Variants in PLCH2 observed in about 807,000 individuals in gnomAD.
PLCH2 encodes phospholipase C eta 2.
PLCH2 carries 98 observed loss-of-function variants against 134.7 expected under a neutral mutation model. The ratio of observed to expected loss-of-function variants is 0.73; its 90% CI spans 0.62 to 0.86. PLCH2 has a LOEUF of 0.86. Ranked by LOEUF, PLCH2 falls within the 40% of genes least tolerant of loss-of-function variation. The pLI is 0.00. For missense variants in PLCH2, 1,994 were observed against 1,986.6 expected, an observed-to-expected ratio of 1.00 and a Z score of -0.07; for synonymous variants, 974 against 827.5, an observed-to-expected ratio of 1.18 and a Z score of -3.04.
At chr1:2,441,150 G>A (rs924306112) in intron 2 of PLCH2, among the ~76,000 whole-genome samples, 1 of 152,204 alleles carries the variant, frequency 6.6e-6, no homozygotes, top group Non-Finnish European at 1.5e-5. Context: ...TGAAAGGGGT[G>A]CTCAGGCTTT....
At position 2,489,374 on chromosome 1, in the gene PLCH2, T is replaced by TG. The variant is rs1349181120; in HGVS notation, c.1404dup (p.Lys469GlufsTer20). 1.9e-6 allele frequency: 3 copies of TG among 1,613,324 alleles called. No individual in the cohort carries two copies. In the African/African-American group the frequency reaches 4.0e-5, roughly 22 times the overall value. ...CAGATGCTCAAGGGCAAGATCCTCGTGAAGGTGAGTGAGCCCCTGCCCTCC... is the reference window on the plus strand; with the variant it reads ...CAGATGCTCAAGGGCAAGATCCTCGTGGAAGGTGAGTGAGCCCCTGCCCTCC... On this transcript the variant is annotated frameshift_variant, in exon 9 of 22. Coordinates refer to ENST00000378486, the MANE Select transcript of PLCH2 (RefSeq NM_014638.4). LOFTEE classifies it high-confidence loss of function.
chr1:2,425,496 C>A (rs1638747433), upstream of PLCH2, among the ~76,000 whole-genome samples: 1 of 152,104 alleles, frequency 6.6e-6, no homozygotes, highest in Non-Finnish European at 1.5e-5. Context: ...AGTGGGGTTG[C>A]TGGATCTGCT....
chr1:2,463,481 C>T (rs1008778365), upstream of PLCH2, among the ~76,000 whole-genome samples: 6 of 152,234 alleles, frequency 3.9e-5, no homozygotes, highest in East Asian at 9.6e-4. Context: ...CTGTTTACTG[C>T]AGCAGGTCAT....
the PLCH2 span, among the ~76,000 whole-genome samples, chr1:2,416,573 A>C: frequency 1.3e-5 from 2 of 152,016 alleles, no homozygotes; most frequent in Non-Finnish European, 2.9e-5. Context: ...AGCGGGCGGC[A>C]CTGGGCCCAG....
the PLCH2 span, among the ~76,000 whole-genome samples, chr1:2,419,811 G>T: frequency 6.6e-6 from 1 of 152,076 alleles, no homozygotes; most frequent in Non-Finnish European, 1.5e-5. Context: ...ATCCTTGGGG[G>T]ATTAATCTGA....
chr1:2,497,703 C>A, intron 16 of PLCH2, 94 bp downstream of exon 16: 2 of 887,380 alleles, frequency 2.3e-6, no homozygotes, highest in Non-Finnish European at 1.8e-6. Flanking sequence ...CACAGGCTAG[C>A]AAGGGGGTGG....
rs769521815 is a variant in PLCH2, at chr1:2,489,786, C to G, written c.1434C>G (p.Ser478Arg). ...GGAAGAAGCTCCCAGCCAACATCAG[C>G]GAGGATGCGGAGGAAGGCGAGGTGT... ...VKGKKLPANI[S>R]EDAEEGEVSD... Residue 478 changes from serine to arginine, a missense_variant, in exon 10 of 22, where the codon AGC becomes AGG. Ser to Arg is a moderately radical substitution (Grantham distance 110). This residue lies in a region of PLCH2 where 1,094 missense variants were observed against 1,234.3 expected (regional missense o/e 0.89). Coordinates refer to ENST00000378486, the MANE Select transcript of PLCH2 (RefSeq NM_014638.4). The G allele has an allele frequency of 6.2e-7, 1 of 1,613,560 alleles. No homozygotes were observed. Among genetic ancestry groups the G allele is most frequent in the East Asian group, 2.2e-5 (1 of 44,884 alleles).
At chr1:2,453,516 G>A (rs541563603) in intron 2 of PLCH2, among the ~76,000 whole-genome samples, 10 of 152,264 alleles carry the variant, frequency 6.6e-5, no homozygotes, top group African/African-American at 2.4e-4. Context: ...GCTGAGACAC[G>A]GGGCTCACAG....
Position 2,489,857 on chromosome 1 carries a change from T to G in PLCH2, c.1505T>G (p.Leu502Arg), listed in dbSNP as rs1439659184. 2 of 1,610,784 alleles carry G rather than the reference T, an allele frequency of 1.2e-6. No individual in the cohort carries two copies. The highest frequency in any genetic ancestry group is 1.7e-6 in the Non-Finnish European group (2 of 1,177,216). The change falls in exon 10 of 22, where the codon CTC (leucine) becomes CGC (arginine). Residue 502 changes from leucine (L) to arginine (R), a missense_variant. This residue lies in a region of PLCH2 where 1,094 missense variants were observed against 1,234.3 expected (regional missense o/e 0.89). Coordinates refer to ENST00000378486, the MANE Select transcript of PLCH2 (RefSeq NM_014638.4). ...GAGATTGACGATGACTGCAAGCTCCTCAATGGGGATGTGAGTCGGGCTGGA... is the reference window on the plus strand; with the variant it reads ...GAGATTGACGATGACTGCAAGCTCCGCAATGGGGATGTGAGTCGGGCTGGA... The part of the protein sequence containing the change: ...ADEIDDDCKL[L>R]NGDASTNRKR...
chr1:2,424,232 T>C (rs533679414), upstream of PLCH2, among the ~76,000 whole-genome samples: 1 of 152,334 alleles, frequency 6.6e-6, no homozygotes, highest in Admixed American at 6.5e-5. Context: ...TGACATGTAC[T>C]CTTAGCAGTT....
At chr1:2,490,059 G>A (rs962113778) in intron 10 of PLCH2, among the ~76,000 whole-genome samples, 192 bp downstream of exon 10, 2 of 146,368 alleles carry the variant, frequency 1.4e-5, no homozygotes, top group East Asian at 4.3e-4. Context: ...AGAGCTGCAG[G>A]CCTGCCTCTT....
chr1:2,436,746 C>T (rs1639443280), intron 2 of PLCH2, among the ~76,000 whole-genome samples: 1 of 152,208 alleles, frequency 6.6e-6, no homozygotes, highest in South Asian at 2.1e-4. Context: ...CTCCTAGTGT[C>T]CTGGAAACTG....
Position 2,499,735 on chromosome 1 carries a change from CT to C in PLCH2, c.2661+16del, listed in dbSNP as rs1245289383. On this transcript the variant is annotated intron_variant, in intron 20 of 21. Transcript: ENST00000378486. ...TCAGCGGTAAGGTGAGTGTCACCCC[CT>C]GCCACCAGCCATCATGGGGAGGGGC... The C allele has an allele frequency of 6.4e-7, 1 of 1,558,074 alleles. No homozygotes were observed. The highest frequency in any genetic ancestry group is 8.7e-7 in the Non-Finnish European group (1 of 1,148,804).
chr1:2,443,633 C>T (rs570753566), intron 2 of PLCH2, among the ~76,000 whole-genome samples: 1,572 of 150,212 alleles, frequency 0.01, 28 homozygotes, highest in African/African-American at 0.035. Context: ...CGCGCTCGCC[C>T]GGTTGCGCCC....
At chr1:2,503,117 T>C in intron 21 of PLCH2, 1 of 680,816 alleles carries the variant, frequency 1.5e-6, no homozygotes, top group South Asian at 1.6e-5. Flanking sequence ...CTTGAGGCCC[T>C]GGGACTTGGG....
the PLCH2 span, among the ~76,000 whole-genome samples, chr1:2,416,219 G>A: frequency 5.3e-5 from 8 of 152,346 alleles, no homozygotes; most frequent in Non-Finnish European, 1.0e-4. Flanking sequence ...GGAGCTGGAC[G>A]CAGCAGGTCG....
upstream of PLCH2, among the ~76,000 whole-genome samples, chr1:2,422,877 A>C (rs1234541938): frequency 6.6e-6 from 1 of 152,184 alleles, no homozygotes; most frequent in African/African-American, 2.4e-5. Flanking sequence ...TTACCTGTGC[A>C]TAATTTTGGA....
At position 2,450,567 on chromosome 1, in the gene PLCH2, AACTCCCCACCTTCCCCCTC is replaced by A. The variant is rs1427490546; in HGVS notation, c.115+19950_115+19968del. ...CCCCCCAATTCCCCACCTGCCCCCT[AACTCCCCACCTTCCCCCTC>A]ACTCCCCACCTGCCCCCCACTCGGC... On this transcript the variant is annotated intron_variant, in intron 2 of 3. Coordinates refer to the PLCH2 transcript ENST00000609981. 5.4e-4 allele frequency among the ~76,000 whole-genome samples: 12 copies of A among 22,386 alleles called. No homozygotes were observed. The East Asian group carries it at 0.013, about 24-fold the overall frequency. 14.7% of individuals were successfully genotyped at this position (22,386 alleles called of 152,430 possible).
intron 5 of PLCH2, among the ~76,000 whole-genome samples, chr1:2,485,728 C>T (rs1035995670): frequency 6.6e-6 from 1 of 152,060 alleles, no homozygotes; most frequent in Admixed American, 6.5e-5. Context: ...ACCTGCGCTG[C>T]GTCAGCCTCT....
Sources: gnomAD v4.1 joint callset for allele counts (sites outside exome capture counted in the v4.1 genomes callset) on GRCh38, gnomAD v4.1.1 for gene constraint, gnomAD v4.1.1 regional missense constraint, MANE v1.5 for transcripts, NCBI Gene and HGNC (gene_info 2026-07-23, HGNC 2026-07-21) for gene names.